The following RASSF4 variants were observed in gnomAD, a reference collection of about 807,000 sequenced individuals.
The protein encoded by RASSF4 is ras association domain-containing protein 4.
RASSF4 carries 38 observed loss-of-function variants against 41.1 expected under a neutral mutation model. The ratio of observed to expected loss-of-function variants is 0.92; its 90% confidence interval spans 0.71 to 1.21. The LOEUF is 1.21. Ranked by LOEUF, RASSF4 falls within the 50% of genes most tolerant of loss-of-function variation. RASSF4 has a pLI of 0.00. For missense variants in RASSF4, 414 were observed against 419.4 expected (o/e 0.99, Z 0.11); for synonymous variants, 179 against 163.4 (o/e 1.10, Z -0.73).
At chr10:44,980,835 C>G (rs759928539) in intron 3 of RASSF4, 1 of 152,282 alleles carries the variant, frequency 6.6e-6, no homozygotes, top group Non-Finnish European at 1.5e-5. Context: ...GAGGCAAGAA[C>G]AGAACCCCCC....
Position 44,978,096 on chromosome 10 carries a change from C to T in RASSF4, c.139-4425C>T, listed in dbSNP as rs190212409. On this transcript the variant is annotated intron_variant, in intron 3 of 10. Coordinates refer to ENST00000340258, the MANE Select transcript of RASSF4 (RefSeq NM_032023.4). ...AGCCTGGTGGTGAGGGCCTGCCATGCGTCCCACCGCCCCTCAGCGTCACCA... is the reference window on the plus strand; with the variant it reads ...AGCCTGGTGGTGAGGGCCTGCCATGTGTCCCACCGCCCCTCAGCGTCACCA... The T allele has an allele frequency of 6.1e-4, 940 of 1,549,806 alleles. 2 individuals carry two copies. The highest frequency in any genetic ancestry group is 6.6e-4 in the Non-Finnish European group (752 of 1,144,208).
At chr10:44,961,389 G>C (rs186787417) in intron 1 of RASSF4, among the ~76,000 whole-genome samples, 261 of 152,362 alleles carry the variant, frequency 1.7e-3, no homozygotes, top group African/African-American at 5.9e-3. Context: ...CGAAACTTGG[G>C]TGTGTGTCAG....
intron 9 of RASSF4, 195 bp downstream of exon 9, chr10:44,991,264 G>A: frequency 2.2e-6 from 1 of 455,140 alleles, no homozygotes; most frequent in Non-Finnish European, 3.9e-6. Context: ...AGCACCAGCA[G>A]CTTAGGGGAA....
chr10:44,983,583 C>T, intron 4 of RASSF4: 1 of 190,910 alleles, frequency 5.2e-6, no homozygotes, highest in Non-Finnish European at 1.1e-5. Flanking sequence ...CACTAGCTAC[C>T]CTGGCCTGGG....
intron 8 of RASSF4, 82 bp downstream of exon 8, chr10:44,989,803 C>A (rs1842045772): frequency 8.2e-7 from 1 of 1,222,208 alleles, no homozygotes; most frequent in Non-Finnish European, 1.2e-6. Context: ...CAACCACTGA[C>A]TGTACTCCCT....
chr10:44,992,119 C>G (rs936595573), intron 10 of RASSF4, 117 bp downstream of exon 10: 6 of 656,270 alleles, frequency 9.1e-6, no homozygotes. Flanking sequence ...TACCCTGGTA[C>G]GGGAAGGCCT....
intron 1 of RASSF4, among the ~76,000 whole-genome samples, chr10:44,964,527 C>T (rs1015070728): frequency 6.6e-6 from 1 of 152,236 alleles, no homozygotes; most frequent in Non-Finnish European, 1.5e-5. Context: ...GGCAGGCCAG[C>T]CCCAGCCCAT....
intron 6 of RASSF4, among the ~76,000 whole-genome samples, chr10:44,986,640 A>G (rs1019654393): frequency 5.3e-5 from 8 of 152,268 alleles, no homozygotes; most frequent in Non-Finnish European, 1.0e-4. Flanking sequence ...AGTCCCAAAG[A>G]AAAGCACTAT....
chr10:44,975,620 G>A (rs545797608), intron 3 of RASSF4, among the ~76,000 whole-genome samples: 8 of 140,620 alleles, frequency 5.7e-5, no homozygotes, highest in South Asian at 2.5e-4. Context: ...GAAGGAAGGA[G>A]AATGTAACTG....
rs575702688 is a variant in RASSF4, at chr10:44,983,665, C to T, written c.282-357C>T. 1.9e-3 allele frequency: 493 copies of T among 257,318 alleles called. 2 individuals carry two copies. The highest frequency in any genetic ancestry group is 0.011 in the African/African-American group (462 of 43,620). The allele number at this position is 257,318 out of a possible 1,614,324, so 15.9% of individuals were successfully genotyped here. A position where few individuals can be genotyped will look rare whatever the true frequency, so the allele number is the denominator to read the frequency against. ...CCTGCCTGACACCCCACTAGGCCTT[C>T]GGGAAGCCCAGCGAGCCTGTTTGGC... On this transcript the variant is annotated intron_variant, in intron 4 of 10. Coordinates refer to ENST00000340258, the MANE Select transcript of RASSF4 (RefSeq NM_032023.4).
At chr10:44,973,561 T>C (rs964058385) in intron 3 of RASSF4, among the ~76,000 whole-genome samples, 71 of 152,232 alleles carry the variant, frequency 4.7e-4, no homozygotes, top group African/African-American at 1.7e-3. Flanking sequence ...TGCAAATTCC[T>C]ACCACGCCCC....
intron 3 of RASSF4, among the ~76,000 whole-genome samples, chr10:44,979,354 A>G (rs570932712): frequency 6.6e-6 from 1 of 152,270 alleles, no homozygotes; most frequent in South Asian, 2.1e-4. Flanking sequence ...TTACTTGTTC[A>G]CCAGATATGA....
intron 3 of RASSF4, 121 bp downstream of exon 3, chr10:44,971,969 G>C: frequency 1.5e-6 from 1 of 672,456 alleles, no homozygotes; most frequent in Non-Finnish European, 2.6e-6. Flanking sequence ...ACCTAGTTTG[G>C]ACAATAAGTT....
At chr10:44,975,451 T>G (rs1459894155) in intron 3 of RASSF4, among the ~76,000 whole-genome samples, 1 of 9,102 alleles carries the variant, frequency 1.1e-4, no homozygotes, top group Non-Finnish European at 2.3e-4. Flanking sequence ...CCACCCCCAC[T>G]CCCCTCTCCA....
intron 3 of RASSF4, among the ~76,000 whole-genome samples, chr10:44,972,950 C>T (rs998411544): frequency 5.4e-4 from 82 of 152,338 alleles, no homozygotes; most frequent in African/African-American, 1.9e-3. Flanking sequence ...GATCAGAGGG[C>T]CGGCTGGAAC....
At chr10:44,962,124 A>G (rs1340478507) in intron 1 of RASSF4, among the ~76,000 whole-genome samples, 1 of 152,200 alleles carries the variant, frequency 6.6e-6, no homozygotes, top group Admixed American at 6.5e-5. Flanking sequence ...ACTCTCTATC[A>G]GCTGCCACAA....
intron 10 of RASSF4, among the ~76,000 whole-genome samples, chr10:44,992,671 G>A (rs1164305433): frequency 6.6e-6 from 1 of 152,168 alleles, no homozygotes; most frequent in Non-Finnish European, 1.5e-5. Flanking sequence ...GGAAGGAAAG[G>A]GCAGGAGCTC....
intron 7 of RASSF4, 68 bp downstream of exon 7, chr10:44,989,443 T>G: frequency 8.1e-7 from 1 of 1,232,656 alleles, no homozygotes; most frequent in South Asian, 1.3e-5. Flanking sequence ...GGGGTGGGGT[T>G]CTGGGGAAAG....
At chr10:44,963,076 G>A (rs922213939) in intron 1 of RASSF4, among the ~76,000 whole-genome samples, 1 of 152,174 alleles carries the variant, frequency 6.6e-6, no homozygotes, top group Non-Finnish European at 1.5e-5. Context: ...GGTCAGTCCA[G>A]GGCAAGGCGG....
Sources: allele counts gnomAD v4.1 joint callset (sites outside exome capture counted in the v4.1 genomes callset), GRCh38; gene constraint gnomAD v4.1.1; transcripts MANE v1.5; gene names NCBI Gene and HGNC (gene_info 2026-07-23, HGNC 2026-07-21).